Variants in WDR73 observed in about 807,000 individuals in gnomAD.
WDR73 encodes the protein integrator complex assembly factor WDR73.
Under a neutral mutation model 38.2 loss-of-function variants are expected in WDR73, and 30 were observed. That is an observed-to-expected ratio of 0.79 (90% CI 0.59 to 1.06). The LOEUF (loss-of-function observed/expected upper bound fraction) is 1.06, where lower values mean the gene tolerates loss of function less well. WDR73 is among the 50% of genes least tolerant of loss of function. The pLI, the probability that WDR73 is intolerant of heterozygous loss-of-function variation, is 0.00. For missense variants in WDR73, 487 were observed against 467.0 expected, an observed-to-expected ratio of 1.04 and a Z score of -0.40; for synonymous variants, 197 against 176.0, an observed-to-expected ratio of 1.12 and a Z score of -0.94.
At chr15:84,643,763 AATTTT>A (rs1489554661) in intron 7 of WDR73, 40 bp from the exon 8 acceptor site, 5 of 1,536,748 alleles carry the variant, frequency 3.3e-6, no homozygotes, top group Admixed American at 4.5e-5. Flanking sequence ...ATGAGTCCCT[AATTTT>A]ATTTTAAAAT....
intron 3 of WDR73, 126 bp downstream of exon 3, chr15:84,652,588 A>G: frequency 1.9e-6 from 1 of 539,488 alleles, no homozygotes; most frequent in Non-Finnish European, 3.3e-6. Context: ...GTTAGACTAG[A>G]AGGGCAGGCC....
chr15:84,647,744 A>G (rs1896507214), intron 5 of WDR73, 146 bp downstream of exon 5: 1 of 744,892 alleles, frequency 1.3e-6, no homozygotes, highest in African/African-American at 1.7e-5. Flanking sequence ...TGATCCACCC[A>G]GCTCAGCCTC....
At chr15:84,649,667 G>A (rs2141842325) in intron 3 of WDR73, among the ~76,000 whole-genome samples, 1 of 151,980 alleles carries the variant, frequency 6.6e-6, no homozygotes, top group South Asian at 2.1e-4. Context: ...ACAGGGTTTT[G>A]CCATGTTGCC....
chr15:84,649,195 CAA>C (rs1262191242), intron 3 of WDR73, among the ~76,000 whole-genome samples: 1 of 152,150 alleles, frequency 6.6e-6, no homozygotes, highest in Non-Finnish European at 1.5e-5. Context: ...GAATTTGAAC[CAA>C]AGTCTGTCTA....
rs761766167 is a variant in WDR73 at position 84,641,066 on chromosome 15, A to G, written c.*2404T>C. 7 of 150,838 alleles carry G rather than the reference A, an allele frequency of 4.6e-5. No individual in the cohort carries two copies. The highest frequency in any genetic ancestry group is 1.2e-4 in the African/African-American group (5 of 40,098). The allele number at this position is 150,838 out of a possible 1,614,324, so 9.3% of individuals were successfully genotyped here. On this transcript the variant is annotated 3_prime_UTR_variant, in exon 8 of 8. Transcript: ENST00000434634. ...GAACTAGACCTTCTTGAGAGGCACT[A>G]TCATTCTCATTTCACCTGTCACTTC...
chr15:84,643,386 T>C lies in WDR73; in HGVS notation c.*84A>G. ...CCACACAGCTGGTAACAGGGACTGG[T>C]AGTCACTTGAGTCCTACATGAGCAC... On this transcript the variant is annotated 3_prime_UTR_variant, in exon 8 of 8. Transcript: ENST00000434634. The C allele has an allele frequency of 2.7e-6, 4 of 1,478,540 alleles. No individual in the cohort carries two copies. The highest frequency in any genetic ancestry group is 3.6e-6 in the Non-Finnish European group (4 of 1,102,034). The allele number at this position is 1,478,540 out of a possible 1,614,324, so 91.6% of individuals were successfully genotyped here.
At chr15:84,653,786 C>A (rs1208889196) in intron 1 of WDR73, 87 bp from the exon 2 acceptor site, 6 of 1,067,120 alleles carry the variant, frequency 5.6e-6, no homozygotes, top group Non-Finnish European at 8.5e-6. Context: ...GTTCAGTGGC[C>A]CAAACTCTGG....
rs772176121 is a variant in WDR73, at chr15:84,643,320, A to G, written c.*150T>C. On this transcript the variant is annotated 3_prime_UTR_variant, in exon 8 of 8. Transcript: ENST00000434634. The stretch of plus-strand genomic sequence containing the variant: ...TCTTACTATCCTCATTTTACAGATA[A>G]GGAAACTGAGGCTAAGTGACGCTGG... The G allele has an allele frequency of 4.0e-5, 36 of 900,856 alleles. No homozygotes were observed. In the Middle Eastern group the frequency reaches 1.0e-3, roughly 26 times the overall value. The allele number at this position is 900,856 out of a possible 1,614,324, so 55.8% of individuals were successfully genotyped here.
In WDR73 at chr15:84,652,793, A is replaced by G. The variant is rs1173714839; in HGVS notation, c.119T>C (p.Val40Ala). Residue 40 changes from valine to alanine, a missense_variant, in exon 3 of 8, where the codon GTT becomes GCT. By Grantham distance (64) the Val-to-Ala change is moderately conservative. Transcript: ENST00000434634. ...CTTTTTCAGGCTTTCATAGCCAGCA[A>G]CAAAGACTCCTGGAAAAAGAAGCAG... The part of the protein sequence containing the change: ...LEWIDDKGVF[V>A]AGYESLKKNE... 6 of 1,531,108 alleles carry G rather than the reference A, an allele frequency of 3.9e-6. No homozygotes were observed. Among genetic ancestry groups the G allele is most frequent in the Middle Eastern group, 1.7e-4 (1 of 5,962 alleles). The allele number at this position is 1,531,108 out of a possible 1,614,324, so 94.8% of individuals were successfully genotyped here.
In WDR73 at chr15:84,648,531, C is replaced by T. The variant is rs1896532147; in HGVS notation, c.287+6G>A. ...GTGGATGGCTGGATCACAAAATTGA[C>T]CATACCTGGTATGTGGCACATGCTT... On this transcript the variant is annotated splice_donor_region_variant and intron_variant, in intron 4 of 7. Transcript: ENST00000434634. The T allele has an allele frequency of 1.2e-6, 2 of 1,610,210 alleles. No individual in the cohort carries two copies. Among genetic ancestry groups the T allele is most frequent in the Non-Finnish European group, 1.7e-6 (2 of 1,176,522 alleles).
chr15:84,640,292 G>A lies in WDR73; in HGVS notation c.*3178C>T, dbSNP rs1055515953. On this transcript the variant is annotated 3_prime_UTR_variant, in exon 8 of 8. Transcript: ENST00000434634. ...CTCTGTTATGACTAATTTGGGTCTG[G>A]AATGGCCTCATCGGGGGAAAAATTG... The A allele has an allele frequency of 6.6e-6, 1 of 152,186 alleles. No individual in the cohort carries two copies. Among genetic ancestry groups the A allele is most frequent in the African/African-American group, 2.4e-5 (1 of 41,436 alleles). 9.4% of individuals were successfully genotyped at this position (152,186 alleles called of 1,614,324 possible). A position where few individuals can be genotyped will look rare whatever the true frequency, so the allele number is the denominator to read the frequency against.
chr15:84,648,187 G>A, intron 4 of WDR73: 1 of 599,584 alleles, frequency 1.7e-6, no homozygotes, highest in Non-Finnish European at 3.0e-6. Flanking sequence ...GAGGACACAA[G>A]TATGGGGCCA....
chr15:84,654,145 A>G, intron 1 of WDR73, 89 bp downstream of exon 1: 1 of 1,566,064 alleles, frequency 6.4e-7, no homozygotes. Context: ...ACTCTGCACC[A>G]GGATCCCCAA....
intron 3 of WDR73, among the ~76,000 whole-genome samples, chr15:84,649,750 A>G (rs1302132597): frequency 6.6e-6 from 1 of 152,006 alleles, no homozygotes; most frequent in Non-Finnish European, 1.5e-5. Flanking sequence ...GATTACAGAC[A>G]TAAGCCACCA....
chr15:84,648,655 C>A, intron 3 of WDR73, 30 bp from the exon 4 acceptor site: 1 of 1,539,284 alleles, frequency 6.5e-7, no homozygotes, highest in South Asian at 1.1e-5. Flanking sequence ...CCAATCAGAG[C>A]CAGCTCTTCA....
chr15:84,652,617 T>C, intron 3 of WDR73, 97 bp downstream of exon 3: 1 of 683,846 alleles, frequency 1.5e-6, no homozygotes, highest in Non-Finnish European at 2.4e-6. Flanking sequence ...TCTCTCTTTC[T>C]AGTATCCAGG....
intron 1 of WDR73, chr15:84,653,995 G>C (rs923297497): frequency 1.6e-6 from 1 of 608,800 alleles, no homozygotes; most frequent in African/African-American, 1.9e-5. Context: ...AAACTAACTG[G>C]GCACTGCGTC....
intron 4 of WDR73, chr15:84,648,192 G>A: frequency 3.4e-6 from 2 of 596,910 alleles, no homozygotes; most frequent in East Asian, 2.8e-5. Flanking sequence ...CACAAGTATG[G>A]GGCCAAACAC....
intron 1 of WDR73, 139 bp downstream of exon 1, chr15:84,654,095 A>G: frequency 8.9e-7 from 1 of 1,123,652 alleles, no homozygotes. Flanking sequence ...GCCCAGGCGG[A>G]GTCCTCCACG....
Sources: allele counts gnomAD v4.1 joint callset (sites outside exome capture counted in the v4.1 genomes callset), GRCh38; gene constraint gnomAD v4.1.1; transcripts MANE v1.5; gene names NCBI Gene and HGNC (gene_info 2026-07-23, HGNC 2026-07-21).